The following PRKAG2 variants were observed in gnomAD, a reference collection of about 807,000 sequenced individuals.
PRKAG2 encodes 5'-AMP-activated protein kinase subunit gamma-2.
Under a neutral mutation model 69.6 loss-of-function variants are expected in PRKAG2, and 26 were observed. The ratio of observed to expected loss-of-function variants is 0.37; its 90% CI spans 0.27 to 0.52. The LOEUF (loss-of-function observed/expected upper bound fraction) is 0.52. Among genes scored for constraint, PRKAG2 ranks in the 20% least tolerant of loss-of-function variants. The probability of loss-of-function intolerance (pLI) is 0.90; values close to 1 mark genes in which losing one functional copy is unlikely to be tolerated. For missense variants in PRKAG2, 557 were observed against 740.0 expected, an observed-to-expected ratio of 0.75 and a Z score of 2.87; for synonymous variants, 293 against 285.0, an observed-to-expected ratio of 1.03 and a Z score of -0.28.
chr7:151,596,502 A>G (rs6956247), intron 5 of PRKAG2, among the ~76,000 whole-genome samples: 5,389 of 152,226 alleles, frequency 0.035, 318 homozygotes, highest in African/African-American at 0.12. Flanking sequence ...TAATCCTAGC[A>G]CTTTGGGAGG....
At chr7:151,652,151 T>C (rs999297170) in intron 4 of PRKAG2, among the ~76,000 whole-genome samples, 1 of 152,204 alleles carries the variant, frequency 6.6e-6, no homozygotes, top group Non-Finnish European at 1.5e-5. Context: ...CATAATTATA[T>C]ACGATTTTTA....
intron 4 of PRKAG2, among the ~76,000 whole-genome samples, chr7:151,639,877 C>G (rs1403633926): frequency 1.3e-5 from 2 of 152,102 alleles, no homozygotes; most frequent in Non-Finnish European, 2.9e-5. Flanking sequence ...CCCCTCTCAT[C>G]CATCTATCAG....
chr7:151,753,296 G>A (rs2074843050), intron 3 of PRKAG2, among the ~76,000 whole-genome samples: 2 of 152,214 alleles, frequency 1.3e-5, no homozygotes, highest in African/African-American at 4.8e-5. Context: ...CATGATATTT[G>A]TGCTGATTTC....
At chr7:151,585,268 C>T (rs149218935) in intron 6 of PRKAG2, among the ~76,000 whole-genome samples, 2 of 152,200 alleles carry the variant, frequency 1.3e-5, no homozygotes, top group East Asian at 3.8e-4. Context: ...TATAAAATTT[C>T]AAGTAATACA....
At chr7:151,652,264 C>T (rs1828656894) in intron 4 of PRKAG2, among the ~76,000 whole-genome samples, 1 of 152,282 alleles carries the variant, frequency 6.6e-6, no homozygotes, top group Admixed American at 6.5e-5. Flanking sequence ...TTTCCAACCG[C>T]CTATCTGTCT....
chr7:151,854,952 CTCTCCACAT>C lies in PRKAG2; in HGVS notation c.114+21546_114+21554del, dbSNP rs1265698447. The stretch of plus-strand genomic sequence containing the variant: ...TTTACACACACACCACCCTCCACCA[CTCTCCACAT>C]ACCACCCTCCACACACACCATGCTC... On this transcript the variant is annotated intron_variant, in intron 1 of 15. Transcript: ENST00000287878. Among the ~76,000 whole-genome samples the C allele has an allele frequency of 4.5e-4, 60 of 132,718 alleles. 1 individual carries two copies. The highest frequency in any genetic ancestry group is 7.2e-4 in the Non-Finnish European group (43 of 59,780). 87.1% of individuals were successfully genotyped at this position (132,718 alleles called of 152,430 possible).
intron 1 of PRKAG2, chr7:151,806,506 T>C (rs1457957593): frequency 6.4e-6 from 1 of 157,028 alleles, no homozygotes; most frequent in Admixed American, 6.2e-5. Context: ...AGCTGGAATG[T>C]TATCAACTTC....
intron 1 of PRKAG2, among the ~76,000 whole-genome samples, chr7:151,789,577 A>C (rs984704027): frequency 7.1e-6 from 1 of 140,004 alleles, no homozygotes; most frequent in African/African-American, 3.4e-5. Flanking sequence ...GGCCCCAGCC[A>C]CTCGTACCGT....
intron 3 of PRKAG2, among the ~76,000 whole-genome samples, chr7:151,773,054 G>A (rs7789866): frequency 0.011 from 313 of 29,400 alleles, 1 homozygote; most frequent in Non-Finnish European, 0.014. Flanking sequence ...AGAGAGAGAG[G>A]GAGGGAGGGA....
chr7:151,808,618 C>T (rs1460460706), intron 1 of PRKAG2, among the ~76,000 whole-genome samples: 2 of 151,918 alleles, frequency 1.3e-5, no homozygotes, highest in African/African-American at 4.8e-5. Flanking sequence ...TATCCGCTGA[C>T]ATCTTTTCTC....
chr7:151,625,708 A>T (rs1487242196), intron 5 of PRKAG2, among the ~76,000 whole-genome samples: 1 of 152,130 alleles, frequency 6.6e-6, no homozygotes, highest in Non-Finnish European at 1.5e-5. Context: ...TTTCCTGTTA[A>T]AACAGCTGGG....
intron 3 of PRKAG2, among the ~76,000 whole-genome samples, chr7:151,698,979 A>G (rs1302717692): frequency 6.6e-6 from 1 of 152,138 alleles, no homozygotes; most frequent in African/African-American, 2.4e-5. Flanking sequence ...AAGGTCCTGA[A>G]ATCAGGTAAC....
In PRKAG2 at chr7:151,771,870, G is replaced by T. The variant is rs1266459582; in HGVS notation, c.466+9282C>A. ...ACATATGACCCACTGAAATCCCTGGGTCAGTATAGCCATCATCTTGTATTC... is the reference window on the plus strand; with the variant it reads ...ACATATGACCCACTGAAATCCCTGGTTCAGTATAGCCATCATCTTGTATTC... On this transcript the variant is annotated intron_variant, in intron 3 of 15. Coordinates refer to ENST00000287878, the MANE Select transcript of PRKAG2 (RefSeq NM_016203.4). This position sits in a 1 kb window ranked among gnomAD's most constrained non-coding sequence, Gnocchi z 4.0. Among the ~76,000 whole-genome samples the T allele has an allele frequency of 6.6e-6, 1 of 152,168 alleles. No homozygotes were observed. The highest frequency in any genetic ancestry group is 1.5e-5 in the Non-Finnish European group (1 of 68,038).
chr7:151,643,881 C>T (rs897311799), intron 4 of PRKAG2, among the ~76,000 whole-genome samples: 10 of 152,166 alleles, frequency 6.6e-5, no homozygotes, highest in South Asian at 2.1e-4. Context: ...TACAATTATA[C>T]GATGGAATAC....
intron 5 of PRKAG2, among the ~76,000 whole-genome samples, chr7:151,607,837 C>T (rs1253253981): frequency 6.6e-6 from 1 of 152,212 alleles, no homozygotes; most frequent in African/African-American, 2.4e-5. Flanking sequence ...GGTCACCTGA[C>T]ATCCTGCTTG....
intron 1 of PRKAG2, among the ~76,000 whole-genome samples, chr7:151,860,583 G>A (rs2079893617): frequency 6.6e-6 from 1 of 152,016 alleles, no homozygotes; most frequent in African/African-American, 2.4e-5. Flanking sequence ...CCCCACCCGA[G>A]GCCCACTGCA....
intron 1 of PRKAG2, among the ~76,000 whole-genome samples, chr7:151,802,508 G>T (rs1304326199): frequency 6.6e-6 from 1 of 152,008 alleles, no homozygotes; most frequent in Non-Finnish European, 1.5e-5. Context: ...AGGGGAAACC[G>T]AAGCTACCTG....
At chr7:151,784,771 A>T (rs891880106) in intron 2 of PRKAG2, among the ~76,000 whole-genome samples, 3 of 152,206 alleles carry the variant, frequency 2.0e-5, no homozygotes, top group Admixed American at 1.3e-4. Context: ...AATCCAGGCC[A>T]GTGGAGTCGG....
rs964018857 is a variant in PRKAG2, at chr7:151,556,807, C to T, written c.*394G>A. ...GGTGTTGTTTCACACGCGTGCGCCCCGGCTGCGGCGGTGACATATTGCTGT... is the reference window on the plus strand; with the variant it reads ...GGTGTTGTTTCACACGCGTGCGCCCTGGCTGCGGCGGTGACATATTGCTGT... On this transcript the variant is annotated 3_prime_UTR_variant, in exon 16 of 16. Coordinates refer to ENST00000287878, the MANE Select transcript of PRKAG2 (RefSeq NM_016203.4). 3 of 203,500 alleles carry T rather than the reference C, an allele frequency of 1.5e-5. No homozygotes were observed. Among genetic ancestry groups the T allele is most frequent in the South Asian group, 8.1e-5 (1 of 12,342 alleles). 12.6% of individuals were successfully genotyped at this position (203,500 alleles called of 1,614,324 possible).
Sources: allele counts gnomAD v4.1 joint callset (sites outside exome capture counted in the v4.1 genomes callset), GRCh38; gene constraint gnomAD v4.1.1; non-coding constraint Gnocchi (gnomAD v3.1); transcripts MANE v1.5; gene names NCBI Gene and HGNC (gene_info 2026-07-23, HGNC 2026-07-21).